The following GGNBP2 variants were observed in gnomAD, a reference collection of about 807,000 sequenced individuals.
GGNBP2 encodes the protein gametogenetin-binding protein 2.
Under a neutral mutation model 85.9 loss-of-function variants are expected in GGNBP2, and 10 were observed. The observed-to-expected ratio is 0.12, with a 90% confidence interval of 0.07 to 0.20. GGNBP2 has a LOEUF of 0.20. Among genes scored for constraint, GGNBP2 ranks in the 10% least tolerant of loss-of-function variants. The pLI is 1.00. For missense variants in GGNBP2, 595 were observed against 857.8 expected, an observed-to-expected ratio of 0.69 and a Z score of 3.83; for synonymous variants, 287 against 285.7, an observed-to-expected ratio of 1.00 and a Z score of -0.05.
intron 6 of GGNBP2, among the ~76,000 whole-genome samples, chr17:36,573,164 G>C (rs189204120): frequency 6.6e-6 from 1 of 152,178 alleles, no homozygotes; most frequent in Non-Finnish European, 1.5e-5. Context: ...CCAGGCAGGG[G>C]TGCAGTGGCT....
chr17:36,558,485 C>T (rs1233888662), intron 4 of GGNBP2, among the ~76,000 whole-genome samples: 1 of 144,426 alleles, frequency 6.9e-6, no homozygotes. Flanking sequence ...GACAGAGTTT[C>T]ACTATTGTTG....
intron 2 of GGNBP2, 53 bp from the exon 3 acceptor site, chr17:36,554,766 AT>A (rs2074345774): frequency 3.7e-6 from 4 of 1,089,620 alleles, no homozygotes; most frequent in Non-Finnish European, 5.7e-6. Flanking sequence ...TGTAGGCTGT[AT>A]CCTGTTCTCA....
In GGNBP2 at chr17:36,567,661, A is replaced by G; in HGVS notation, c.528-2A>G. 1 of 1,511,808 alleles carries G rather than the reference A, an allele frequency of 6.6e-7. No individual in the cohort carries two copies. Among genetic ancestry groups the G allele is most frequent in the Non-Finnish European group, 9.2e-7 (1 of 1,089,348 alleles). 93.6% of individuals were successfully genotyped at this position (1,511,808 alleles called of 1,614,324 possible). On this transcript the variant is annotated splice_acceptor_variant, in intron 5 of 13. Coordinates refer to ENST00000613102, the MANE Select transcript of GGNBP2 (RefSeq NM_024835.5). LOFTEE classifies it high-confidence loss of function. The stretch of plus-strand genomic sequence containing the variant: ...TTTCACTAATATTTGTTCTTTCTAC[A>G]GAGGTTGTTGGATGGATGTATGGGA...
chr17:36,576,637 A>ATATATG (rs2074592906), intron 6 of GGNBP2: 1 of 124,596 alleles, frequency 8.0e-6, no homozygotes, highest in Admixed American at 8.9e-5. Context: ...GTGTATATGT[A>ATATATG]TATATGTATA....
At chr17:36,574,061 G>A (rs1323284065) in intron 6 of GGNBP2, among the ~76,000 whole-genome samples, 1 of 151,836 alleles carries the variant, frequency 6.6e-6, no homozygotes, top group African/African-American at 2.4e-5. Context: ...CCCATTCTTT[G>A]GGTTGCCTTT....
At chr17:36,576,210 G>A (rs747473158) in intron 6 of GGNBP2, among the ~76,000 whole-genome samples, 21 of 118,190 alleles carry the variant, frequency 1.8e-4, no homozygotes, top group Non-Finnish European at 3.5e-4. Flanking sequence ...GTGGTGGTGG[G>A]CGCATGCAAT....
At chr17:36,579,519 C>T in intron 8 of GGNBP2, 100 bp downstream of exon 8, 1 of 977,794 alleles carries the variant, frequency 1.0e-6, no homozygotes, top group Admixed American at 2.2e-5. Flanking sequence ...CTGTCCATCA[C>T]TGATAGAGCT....
chr17:36,578,113 C>T lies in GGNBP2; in HGVS notation c.772C>T (p.His258Tyr). 1 of 1,614,116 alleles carries T rather than the reference C, an allele frequency of 6.2e-7. No homozygotes were observed. The highest frequency in any genetic ancestry group is 2.2e-5 in the East Asian group (1 of 44,878). Residue 258 changes from histidine (H) to tyrosine (Y), a missense_variant, in exon 7 of 14, where the codon CAC (histidine) becomes TAC (tyrosine). Physicochemically the swap from His to Tyr is moderately conservative, Grantham distance 83. Coordinates refer to ENST00000613102, the MANE Select transcript of GGNBP2 (RefSeq NM_024835.5). The part of the protein sequence containing the change: ...EGLRCCPHER[H>Y]IHVCCETDFI... ...CTTGCGGTGCTGTCCACATGAACGA[C>T]ACATACATGTTTGCTGTGAAACAGA...
chr17:36,566,165 A>G lies in GGNBP2; in HGVS notation c.528-1498A>G, dbSNP rs576583842. 2.0e-4 allele frequency among the ~76,000 whole-genome samples: 31 copies of G among 152,330 alleles called. No homozygotes were observed. The South Asian group carries it at 5.2e-3, about 25-fold the overall frequency. On this transcript the variant is annotated intron_variant, in intron 5 of 13. Transcript: ENST00000613102. ...TTCCTTGGACTGTACTGAGACCTGCAGAAGAACAGACAGGAGCCAGTTGTT... is the reference window on the plus strand; with the variant it reads ...TTCCTTGGACTGTACTGAGACCTGCGGAAGAACAGACAGGAGCCAGTTGTT...
rs1555606075 is a variant in GGNBP2, at chr17:36,567,779, A to G, written c.641+3A>G. 1 of 1,483,516 alleles carries G rather than the reference A, an allele frequency of 6.7e-7. No homozygotes were observed. Among genetic ancestry groups the G allele is most frequent in the Non-Finnish European group, 9.4e-7 (1 of 1,061,984 alleles). The allele number at this position is 1,483,516 out of a possible 1,614,324, so 91.9% of individuals were successfully genotyped here. A position where few individuals can be genotyped will look rare whatever the true frequency, so the allele number is the denominator to read the frequency against. On this transcript the variant is annotated splice_donor_region_variant and intron_variant, in intron 6 of 13. Transcript: ENST00000613102. ...GAAACATATCTGCGAAAACACAGGT[A>G]AGTCTGATGGTTGTTCCAGTATAAT...
At chr17:36,557,400 C>T in intron 4 of GGNBP2, 64 bp downstream of exon 4, 1 of 1,353,134 alleles carries the variant, frequency 7.4e-7, no homozygotes, top group African/African-American at 1.5e-5. Flanking sequence ...GTGACAGTGG[C>T]AGCTTATTTT....
intron 5 of GGNBP2, among the ~76,000 whole-genome samples, chr17:36,564,454 A>G (rs1408989546): frequency 6.6e-6 from 1 of 152,246 alleles, no homozygotes; most frequent in African/African-American, 2.4e-5. Flanking sequence ...TTTCAGCTTA[A>G]GAAACAAAAC....
chr17:36,579,976 C>G (rs183765104), intron 8 of GGNBP2, among the ~76,000 whole-genome samples: 1 of 152,110 alleles, frequency 6.6e-6, no homozygotes, highest in Admixed American at 6.5e-5. Flanking sequence ...CGTCACTGCA[C>G]TCCAGCCTGG....
intron 2 of GGNBP2, among the ~76,000 whole-genome samples, chr17:36,551,223 T>G (rs918206821): frequency 7.4e-5 from 11 of 147,960 alleles, no homozygotes; most frequent in African/African-American, 2.7e-4. Flanking sequence ...TTTTTTTTTT[T>G]GAGACCGAGT....
rs17841463 is a variant in GGNBP2, at chr17:36,551,894, G to A, written c.94-2926G>A. Among the ~76,000 whole-genome samples, 106 of 152,146 alleles carry A rather than the reference G, an allele frequency of 7.0e-4. 1 individual carries two copies. In the East Asian group the frequency reaches 0.017, roughly 25 times the overall value. ...TTATTAGATGTGTTCTTTGATCTCC[G>A]TTTCAATTTTTAAAACAGTTGATCA... On this transcript the variant is annotated intron_variant, in intron 2 of 13. Transcript: ENST00000613102.
At chr17:36,552,745 G>T (rs1273540547) in intron 2 of GGNBP2, among the ~76,000 whole-genome samples, 3 of 152,178 alleles carry the variant, frequency 2.0e-5, no homozygotes, top group Admixed American at 1.3e-4. Context: ...AATGGGTCAG[G>T]CGTGGTGACT....
chr17:36,576,961 T>C (rs1444276814), intron 6 of GGNBP2: 1 of 152,144 alleles, frequency 6.6e-6, no homozygotes, highest in African/African-American at 2.4e-5. Context: ...TCTTGTCACT[T>C]TTCGATATGG....
At chr17:36,545,510 G>T in intron 1 of GGNBP2, 109 bp from the exon 2 acceptor site, 1 of 464,742 alleles carries the variant, frequency 2.2e-6, no homozygotes. Flanking sequence ...TCGGGTGATG[G>T]GAAACGCAGC....
At position 36,575,633 on chromosome 17, in the gene GGNBP2, TATATATATA is replaced by T. The variant is rs1368935942; in HGVS notation, c.642-2349_642-2341del. Among the ~76,000 whole-genome samples, 55 of 48,188 alleles carry T rather than the reference TATATATATA, an allele frequency of 1.1e-3. 2 individuals are homozygous for T. The highest frequency in any genetic ancestry group is 9.3e-3 in the Middle Eastern group (1 of 108). The allele number at this position is 48,188 out of a possible 152,430, so 31.6% of individuals were successfully genotyped here. A position where few individuals can be genotyped will look rare whatever the true frequency, so the allele number is the denominator to read the frequency against. On this transcript the variant is annotated intron_variant, in intron 6 of 13. Coordinates refer to ENST00000613102, the MANE Select transcript of GGNBP2 (RefSeq NM_024835.5). ...TGTAACATATATATATATATATATA[TATATATATA>T]TATATATTTTTTTTTTTTTTTGAGA...
Sources: allele counts gnomAD v4.1 joint callset (sites outside exome capture counted in the v4.1 genomes callset), GRCh38; gene constraint gnomAD v4.1.1; transcripts MANE v1.5; gene names NCBI Gene and HGNC (gene_info 2026-07-23, HGNC 2026-07-21).